TEX36: variants seen among roughly 807,000 people sequenced by gnomAD.
The protein encoded by TEX36 is testis-expressed protein 36.
Under a neutral mutation model 13.6 loss-of-function variants are expected in TEX36, and 12 were observed. The ratio of observed to expected loss-of-function variants is 0.88; its 90% CI spans 0.56 to 1.43. The LOEUF (loss-of-function observed/expected upper bound fraction) is 1.43. Among genes scored for constraint, TEX36 ranks in the 40% most tolerant of loss-of-function variants. The pLI is 0.00. For missense variants in TEX36, 224 were observed against 228.3 expected, an observed-to-expected ratio of 0.98 and a Z score of 0.12; for synonymous variants, 93 against 83.0, an observed-to-expected ratio of 1.12 and a Z score of -0.65.
chr10:125,580,249 A>G (rs1845867791), intron 3 of TEX36, among the ~76,000 whole-genome samples: 1 of 152,206 alleles, frequency 6.6e-6, no homozygotes, highest in Admixed American at 6.5e-5. Flanking sequence ...GGCAAGTGAA[A>G]GTCTTATTTC....
intron 3 of TEX36, among the ~76,000 whole-genome samples, chr10:125,647,654 T>C (rs574297738): frequency 6.6e-6 from 1 of 152,328 alleles, no homozygotes; most frequent in East Asian, 1.9e-4. Flanking sequence ...ACTGGGTTCA[T>C]CTCACTGGGG....
At chr10:125,644,117 CA>C (rs1189970521) in intron 3 of TEX36, among the ~76,000 whole-genome samples, 5 of 152,104 alleles carry the variant, frequency 3.3e-5, no homozygotes, top group Admixed American at 6.5e-5. Flanking sequence ...CACCCACAAA[CA>C]AAAGCCAAAT....
At chr10:125,602,302 G>A (rs1400417136) in intron 3 of TEX36, among the ~76,000 whole-genome samples, 1 of 152,190 alleles carries the variant, frequency 6.6e-6, no homozygotes, top group Non-Finnish European at 1.5e-5. Context: ...GAAATTTGAA[G>A]TGAATATTGT....
intron 1 of TEX36, among the ~76,000 whole-genome samples, chr10:125,682,269 G>A (rs1032087057): frequency 4.6e-5 from 7 of 152,170 alleles, no homozygotes; most frequent in African/African-American, 1.7e-4. Flanking sequence ...TCCTGAAGAT[G>A]GTAGAAGAGT....
chr10:125,660,743 A>G (rs1188555030), intron 3 of TEX36, among the ~76,000 whole-genome samples: 1 of 152,224 alleles, frequency 6.6e-6, no homozygotes. Context: ...CCTCACAAGA[A>G]AGCTCGCAAA....
chr10:125,592,022 G>A (rs1846026878), intron 3 of TEX36, among the ~76,000 whole-genome samples: 1 of 152,158 alleles, frequency 6.6e-6, no homozygotes. Flanking sequence ...TCTACATGTT[G>A]AATGTGCTTA....
At chr10:125,656,578 T>C (rs548659411) in intron 3 of TEX36, among the ~76,000 whole-genome samples, 1 of 151,612 alleles carries the variant, frequency 6.6e-6, no homozygotes, top group African/African-American at 2.4e-5. Flanking sequence ...AGTTCTGAGG[T>C]CTTTCTTAAA....
chr10:125,640,748 G>T (rs895618717), intron 3 of TEX36, among the ~76,000 whole-genome samples: 3 of 152,142 alleles, frequency 2.0e-5, no homozygotes, highest in African/African-American at 7.2e-5. Context: ...GAGCTGGGCT[G>T]AAGGGGATCT....
intron 1 of TEX36, among the ~76,000 whole-genome samples, chr10:125,677,069 T>C (rs1369634433): frequency 6.6e-6 from 1 of 152,236 alleles, no homozygotes; most frequent in Non-Finnish European, 1.5e-5. Context: ...AAACCTATTG[T>C]TAGTCTGACG....
intron 3 of TEX36, chr10:125,621,694 C>T: frequency 2.2e-6 from 1 of 455,914 alleles, no homozygotes; most frequent in South Asian, 1.6e-5. Flanking sequence ...CTGAAAGCCT[C>T]AAACCCAGGG....
downstream of TEX36, among the ~76,000 whole-genome samples, chr10:125,617,416 G>T (rs1846374030): frequency 6.6e-6 from 1 of 152,146 alleles, no homozygotes; most frequent in Non-Finnish European, 1.5e-5. Context: ...ATTTTGCAGT[G>T]GCTGGTACCA....
intron 3 of TEX36, among the ~76,000 whole-genome samples, chr10:125,602,853 C>G (rs1199721386): frequency 1.3e-5 from 2 of 152,186 alleles, no homozygotes; most frequent in African/African-American, 4.8e-5. Context: ...ATGGAATACT[C>G]GTTAAGAATA....
chr10:125,661,744 C>T lies in TEX36; in HGVS notation c.183+102G>A. On this transcript the variant is annotated intron_variant, in intron 2 of 3. Transcript: ENST00000368821. ...TAGGGGTCCAAGGATAGTAAATGCG[C>T]AGTTTCTTACAAAGAAGAATTGTTT... 3 of 1,446,594 alleles carry T rather than the reference C, an allele frequency of 2.1e-6. No individual in the cohort carries two copies. The South Asian group carries it at 4.1e-5, about 20-fold the overall frequency. The allele number at this position is 1,446,594 out of a possible 1,614,324, so 89.6% of individuals were successfully genotyped here.
At chr10:125,616,534 C>T (rs1191162381) in intron 3 of TEX36, among the ~76,000 whole-genome samples, 3 of 104,090 alleles carry the variant, frequency 2.9e-5, no homozygotes, top group Admixed American at 2.3e-4. Context: ...GCCTTCATTT[C>T]GTTATGTACC....
intron 3 of TEX36, among the ~76,000 whole-genome samples, chr10:125,596,406 A>G (rs1468815643): frequency 6.6e-6 from 1 of 152,180 alleles, no homozygotes; most frequent in Non-Finnish European, 1.5e-5. Context: ...AGATTCAAAG[A>G]TAAAGCAAAA....
At chr10:125,630,902 G>T (rs1589762775) in intron 3 of TEX36, among the ~76,000 whole-genome samples, 1 of 152,260 alleles carries the variant, frequency 6.6e-6, no homozygotes, top group Admixed American at 6.5e-5. Context: ...GGAGGCCAGA[G>T]GCGGGGCTGT....
At chr10:125,654,310 A>G (rs923002319), downstream of TEX36, among the ~76,000 whole-genome samples, 2 of 152,200 alleles carry the variant, frequency 1.3e-5, no homozygotes, top group Non-Finnish European at 1.5e-5. Flanking sequence ...AAAACATTCA[A>G]AATAGCCATA....
intron 1 of TEX36, among the ~76,000 whole-genome samples, chr10:125,669,698 C>G (rs1390495003): frequency 6.6e-6 from 1 of 152,116 alleles, no homozygotes; most frequent in Non-Finnish European, 1.5e-5. Context: ...CAACCTGTCA[C>G]CTAGGTATTA....
At chr10:125,635,023 G>T (rs1477888744) in intron 3 of TEX36, among the ~76,000 whole-genome samples, 1 of 152,152 alleles carries the variant, frequency 6.6e-6, no homozygotes, top group African/African-American at 2.4e-5. Flanking sequence ...CCTTAAGCAA[G>T]GCAGGGAAAG....
Sources: gnomAD v4.1 joint callset for allele counts (sites outside exome capture counted in the v4.1 genomes callset) on GRCh38, gnomAD v4.1.1 for gene constraint, MANE v1.5 for transcripts, NCBI Gene and HGNC (gene_info 2026-07-23, HGNC 2026-07-21) for gene names.